SCN3A: variants seen among roughly 807,000 people sequenced by gnomAD.
The protein encoded by SCN3A is sodium voltage-gated channel alpha subunit 3.
SCN3A carries 60 observed loss-of-function variants against 187.6 expected under a neutral mutation model. That is an observed-to-expected ratio of 0.32 (90% CI 0.26 to 0.40). SCN3A has a LOEUF of 0.40. SCN3A is among the 10% of genes least tolerant of loss of function. The pLI, the probability that SCN3A is intolerant of heterozygous loss-of-function variation, is 1.00. For synonymous variants in SCN3A, 788 were observed against 829.2 expected, an observed-to-expected ratio of 0.95 and a Z score of 0.85; for missense variants, 1,601 against 2,428.2, an observed-to-expected ratio of 0.66 and a Z score of 7.16.
At chr2:165,167,194 G>A (rs1302110823) in intron 5 of SCN3A, among the ~76,000 whole-genome samples, 1 of 152,152 alleles carries the variant, frequency 6.6e-6, no homozygotes. Flanking sequence ...ATGTTTAAAT[G>A]CTTCAATAAT....
intron 11 of SCN3A, among the ~76,000 whole-genome samples, chr2:165,149,678 C>T (rs574796780): frequency 6.6e-6 from 1 of 152,296 alleles, no homozygotes; most frequent in South Asian, 2.1e-4. Context: ...TGTCATCTCT[C>T]ATGTCTGTGT....
intron 11 of SCN3A, among the ~76,000 whole-genome samples, chr2:165,149,605 C>G (rs1267108227): frequency 1.3e-5 from 2 of 152,212 alleles, no homozygotes; most frequent in African/African-American, 4.8e-5. Flanking sequence ...CACTCATCAA[C>G]TCAAATCTGT....
intron 1 of SCN3A, among the ~76,000 whole-genome samples, chr2:165,199,435 G>A (rs1692182016): frequency 6.6e-6 from 1 of 151,898 alleles, no homozygotes; most frequent in Admixed American, 6.6e-5. Context: ...ATGTTTACAT[G>A]TGCTGTATTT....
chr2:165,148,115 A>G (rs942420705), intron 11 of SCN3A, among the ~76,000 whole-genome samples: 28 of 147,694 alleles, frequency 1.9e-4, no homozygotes, highest in African/African-American at 6.4e-4. Context: ...CTCAGTGACT[A>G]GTATGTCACC....
chr2:165,186,295 A>C (rs1356759638), intron 2 of SCN3A, among the ~76,000 whole-genome samples: 1 of 145,764 alleles, frequency 6.9e-6, no homozygotes, highest in Non-Finnish European at 1.5e-5. Context: ...ACAACAAAAA[A>C]ACAAAAACAA....
Position 165,090,329 on chromosome 2 carries a change from G to A in SCN3A, c.5824C>T (p.Gln1942Ter), listed in dbSNP as rs1431851839. The A allele has an allele frequency of 1.9e-6, 3 of 1,613,078 alleles. No homozygotes were observed. The highest frequency in any genetic ancestry group is 1.7e-6 in the Non-Finnish European group (2 of 1,179,226). The part of the protein sequence containing the change: ...IKGRIDLPIK[Q>*]DMIIDKLNGN... ...TTTAGTTTGTCAATAATCATGTCTT[G>A]TTTTATAGGTAAGTCAATCCTCCCT... The change falls in exon 28 of 28, where the codon CAA becomes TAA. Residue 1942 changes from glutamine (Q) to a stop codon, truncating the protein, a stop_gained. Transcript: ENST00000283254. LOFTEE classifies it high-confidence loss of function. This position sits in a 1 kb window ranked among gnomAD's most constrained non-coding sequence, Gnocchi z 4.0.
intron 9 of SCN3A, among the ~76,000 whole-genome samples, chr2:165,157,153 G>T (rs944850872): frequency 1.3e-5 from 2 of 151,782 alleles, no homozygotes; most frequent in African/African-American, 4.8e-5. Context: ...CTCGTGATCC[G>T]CCTGCCTCGG....
chr2:165,094,035 T>G, intron 26 of SCN3A: 1 of 327,616 alleles, frequency 3.1e-6, no homozygotes, highest in African/African-American at 2.1e-5. Flanking sequence ...GCAGAGAGTA[T>G]AGAGGGAGGC....
rs1689200565 is a variant in SCN3A, at chr2:165,158,660, G to A, written c.1032-2757C>T. On this transcript the variant is annotated intron_variant, in intron 9 of 27. Transcript: ENST00000283254. ...TCAGGTAATTGAAATCATACAGTATGTAGCTTTTTGAGGTTGGCTTTTTCT... is the reference window on the plus strand; with the variant it reads ...TCAGGTAATTGAAATCATACAGTATATAGCTTTTTGAGGTTGGCTTTTTCT... Among the ~76,000 whole-genome samples the A allele has an allele frequency of 2.2e-5, 3 of 137,828 alleles. 1 individual carries two copies. In the South Asian group the frequency reaches 6.7e-4, roughly 31 times the overall value. 90.4% of individuals were successfully genotyped at this position (137,828 alleles called of 152,430 possible).
chr2:165,201,017 A>G (rs1483917323), intron 1 of SCN3A, among the ~76,000 whole-genome samples: 1 of 152,080 alleles, frequency 6.6e-6, no homozygotes, highest in Non-Finnish European at 1.5e-5. Context: ...TCTTAGTAGA[A>G]ATTACTTGGC....
rs768786018 is a variant in SCN3A, at chr2:165,140,611, G to A, written c.2019+40C>T. 6.5e-7 allele frequency: 1 copy of A among 1,542,464 alleles called. No individual in the cohort carries two copies. The highest frequency in any genetic ancestry group is 2.2e-5 in the East Asian group (1 of 44,512). On this transcript the variant is annotated intron_variant, in intron 13 of 27. Transcript: ENST00000283254. This position sits in a 1 kb window ranked among gnomAD's most constrained non-coding sequence, Gnocchi z 4.2. ...GTCCAGGCTTTGATTATTTCAAATT[G>A]GTGAATAATGTCAGTAGCAGCTAGG...
chr2:165,133,362 TA>T (rs1411279029), intron 15 of SCN3A, among the ~76,000 whole-genome samples: 1 of 152,168 alleles, frequency 6.6e-6, no homozygotes, highest in Non-Finnish European at 1.5e-5. Context: ...TTATTTTTAT[TA>T]TTTTTTTTTG....
At chr2:165,163,982 T>G (rs1050931431) in intron 6 of SCN3A, 6 of 1,214,496 alleles carry the variant, frequency 4.9e-6, no homozygotes, top group Non-Finnish European at 7.1e-6. Flanking sequence ...TAGAGCCCTG[T>G]GAGTTTAACA....
At chr2:165,119,375 CCTT>C (rs1686539387) in intron 18 of SCN3A, among the ~76,000 whole-genome samples, 1 of 152,086 alleles carries the variant, frequency 6.6e-6, no homozygotes, top group African/African-American at 2.4e-5. Flanking sequence ...TTGTGAATCA[CCTT>C]CTTATTAAAT....
chr2:165,094,788 A>C (rs1685284594), intron 25 of SCN3A, among the ~76,000 whole-genome samples: 1 of 152,202 alleles, frequency 6.6e-6, no homozygotes, highest in Non-Finnish European at 1.5e-5. Flanking sequence ...CACTGCCGAT[A>C]ATTTTACTTC....
chr2:165,196,273 C>T (rs893801636), intron 1 of SCN3A, among the ~76,000 whole-genome samples: 1 of 151,956 alleles, frequency 6.6e-6, no homozygotes, highest in Non-Finnish European at 1.5e-5. Flanking sequence ...ACCCTGGCCT[C>T]GAACATGATA....
chr2:165,140,581 A>G lies in SCN3A; in HGVS notation c.2019+70T>C. The G allele has an allele frequency of 7.2e-6, 10 of 1,388,032 alleles. No homozygotes were observed. Among genetic ancestry groups the G allele is most frequent in the African/African-American group, 1.4e-5 (1 of 70,696 alleles). The allele number at this position is 1,388,032 out of a possible 1,614,324, so 86.0% of individuals were successfully genotyped here. A position where few individuals can be genotyped will look rare whatever the true frequency, so the allele number is the denominator to read the frequency against. On this transcript the variant is annotated intron_variant, in intron 13 of 27. Coordinates refer to ENST00000283254, the MANE Select transcript of SCN3A (RefSeq NM_006922.4). The surrounding 1 kb of genome is among the most constrained non-coding windows in gnomAD (Gnocchi z 4.2). ...AGGAAGCAGGACGGTATGACAGCCTAAACTGTCCAGGCTTTGATTATTTCA... is the reference window on the plus strand; with the variant it reads ...AGGAAGCAGGACGGTATGACAGCCTGAACTGTCCAGGCTTTGATTATTTCA...
intron 25 of SCN3A, 116 bp from the exon 26 acceptor site, chr2:165,094,594 TA>T (rs1685273937): frequency 7.0e-6 from 5 of 716,242 alleles, no homozygotes; most frequent in Non-Finnish European, 1.2e-5. Flanking sequence ...TCCTCCTACA[TA>T]TACATTTATC....
chr2:165,144,373 G>A (rs147988471), intron 12 of SCN3A, among the ~76,000 whole-genome samples: 78 of 152,210 alleles, frequency 5.1e-4, no homozygotes, highest in African/African-American at 1.8e-3. Flanking sequence ...TAAAATGAGC[G>A]ACATCTACCA....
Sources: gnomAD v4.1 joint callset for allele counts (sites outside exome capture counted in the v4.1 genomes callset) on GRCh38, gnomAD v4.1.1 for gene constraint, Gnocchi (gnomAD v3.1) non-coding constraint, MANE v1.5 for transcripts, NCBI Gene and HGNC (gene_info 2026-07-23, HGNC 2026-07-21) for gene names.